CAMKMT: variants seen among roughly 807,000 people sequenced by gnomAD.
CAMKMT encodes CaM KMT.
CAMKMT carries 53 observed loss-of-function variants against 48.0 expected under a neutral mutation model. That is an observed-to-expected ratio of 1.10 (90% CI 0.89 to 1.39). CAMKMT has a LOEUF of 1.39. CAMKMT is among the 40% of genes most tolerant of loss of function. The probability of loss-of-function intolerance (pLI) is 0.00; values close to 1 mark genes in which losing one functional copy is unlikely to be tolerated. For synonymous variants in CAMKMT, 165 were observed against 152.3 expected (o/e 1.08, Z -0.61); for missense variants, 428 against 402.7 (o/e 1.06, Z -0.54).
At chr2:44,407,693 A>G (rs904550008) in intron 3 of CAMKMT, among the ~76,000 whole-genome samples, 11 of 152,236 alleles carry the variant, frequency 7.2e-5, no homozygotes, top group African/African-American at 2.7e-4. Context: ...GGGTTGAGCC[A>G]TGGCTAAAAG....
intron 3 of CAMKMT, chr2:44,631,719 A>T: frequency 2.6e-6 from 1 of 388,262 alleles, no homozygotes; most frequent in East Asian, 3.7e-5. Context: ...TGATATGGTT[A>T]TGTTTAAGTT....
At chr2:44,539,633 A>G (rs994197805) in intron 3 of CAMKMT, among the ~76,000 whole-genome samples, 3 of 151,806 alleles carry the variant, frequency 2.0e-5, no homozygotes, top group Admixed American at 6.6e-5. Flanking sequence ...TGTTGTGTCT[A>G]TTTACTCTCT....
chr2:44,623,855 G>T (rs142099592), intron 3 of CAMKMT, among the ~76,000 whole-genome samples: 99 of 152,198 alleles, frequency 6.5e-4, no homozygotes, highest in African/African-American at 2.2e-3. Context: ...CTATAGTTTA[G>T]ACTGTTGTAG....
chr2:44,396,501 C>T (rs1681856475), intron 3 of CAMKMT, among the ~76,000 whole-genome samples: 1 of 151,918 alleles, frequency 6.6e-6, no homozygotes, highest in African/African-American at 2.4e-5. Context: ...GTATGTACAT[C>T]AAATGGTTAT....
chr2:44,517,590 A>G (rs1463957656), intron 3 of CAMKMT, among the ~76,000 whole-genome samples: 1 of 152,354 alleles, frequency 6.6e-6, no homozygotes, highest in Middle Eastern at 3.4e-3. Flanking sequence ...AGGACTGTCC[A>G]GCCTTTCTGC....
At chr2:44,542,982 C>T (rs1334011766) in intron 3 of CAMKMT, among the ~76,000 whole-genome samples, 5 of 152,136 alleles carry the variant, frequency 3.3e-5, no homozygotes, top group Non-Finnish European at 7.4e-5. Context: ...AACAGTTATA[C>T]TTACTTATTA....
intron 3 of CAMKMT, among the ~76,000 whole-genome samples, chr2:44,600,905 C>T (rs1378756091): frequency 1.3e-5 from 2 of 151,992 alleles, no homozygotes; most frequent in African/African-American, 4.8e-5. Flanking sequence ...TAAGATGTGG[C>T]TAACAATTTT....
Position 44,772,134 on chromosome 2 carries a change from C to T in CAMKMT, c.*21C>T, listed in dbSNP as rs373759352. On this transcript the variant is annotated 3_prime_UTR_variant, in exon 11 of 11. Transcript: ENST00000378494. ...GATAGAAGATTAAGCTTCTCAAAGA[C>T]GAAGAAACGTATCAAGTGCATAGGG... 36 of 1,592,350 alleles carry T rather than the reference C, an allele frequency of 2.3e-5. No homozygotes were observed. The highest frequency in any genetic ancestry group is 3.3e-4 in the Middle Eastern group (2 of 6,036).
At chr2:44,376,697 C>CA (rs1303417506) in intron 2 of CAMKMT, among the ~76,000 whole-genome samples, 1 of 152,088 alleles carries the variant, frequency 6.6e-6, no homozygotes, top group Non-Finnish European at 1.5e-5. Flanking sequence ...TTTGTGAATT[C>CA]AAAATACCTA....
intron 3 of CAMKMT, among the ~76,000 whole-genome samples, chr2:44,431,496 C>T (rs1291011165): frequency 2.0e-5 from 3 of 152,004 alleles, no homozygotes. Flanking sequence ...CTTTATTTTT[C>T]CCTTTTTTAC....
intron 10 of CAMKMT, among the ~76,000 whole-genome samples, chr2:44,767,765 G>T (rs558129800): frequency 6.6e-6 from 1 of 152,128 alleles, no homozygotes; most frequent in Non-Finnish European, 1.5e-5. Context: ...GTCTTTACCT[G>T]GTAGGAAAAG....
At chr2:44,698,561 A>G (rs541816911) in intron 3 of CAMKMT, among the ~76,000 whole-genome samples, 5 of 152,332 alleles carry the variant, frequency 3.3e-5, no homozygotes, top group African/African-American at 1.2e-4. Flanking sequence ...ATACCTTACT[A>G]AAAATACTTT....
chr2:44,553,058 T>G (rs1451114896), intron 3 of CAMKMT, among the ~76,000 whole-genome samples: 1 of 152,174 alleles, frequency 6.6e-6, no homozygotes, highest in African/African-American at 2.4e-5. Flanking sequence ...TCACAGAAAT[T>G]AAGTACTAGA....
In CAMKMT at chr2:44,605,054, C is replaced by T. The variant is rs1046106518; in HGVS notation, c.377-99229C>T. ...TACAAGGCCCTCATATACTTTTTCT[C>T]ACCTTCTGTCTGTCTTCCAAAAATT... On this transcript the variant is annotated intron_variant, in intron 3 of 10. Coordinates refer to ENST00000378494, the MANE Select transcript of CAMKMT (RefSeq NM_024766.5). Among the ~76,000 whole-genome samples, 13 of 152,248 alleles carry T rather than the reference C, an allele frequency of 8.5e-5. No individual in the cohort carries two copies. The South Asian group carries it at 1.0e-3, about 12-fold the overall frequency.
At chr2:44,605,912 T>C (rs1314568616) in intron 3 of CAMKMT, among the ~76,000 whole-genome samples, 2 of 152,120 alleles carry the variant, frequency 1.3e-5, no homozygotes, top group African/African-American at 4.8e-5. Flanking sequence ...AGCTCCAAAT[T>C]CTATTGATAG....
chr2:44,457,524 G>A (rs1416015084), intron 3 of CAMKMT, among the ~76,000 whole-genome samples: 1 of 150,250 alleles, frequency 6.7e-6, no homozygotes, highest in African/African-American at 2.5e-5. Flanking sequence ...TCAGCCTCCC[G>A]AGTAGCTGGG....
At chr2:44,486,580 A>T (rs149046880) in intron 3 of CAMKMT, among the ~76,000 whole-genome samples, 1 of 152,338 alleles carries the variant, frequency 6.6e-6, no homozygotes, top group African/African-American at 2.4e-5. Context: ...CAATGTTGCA[A>T]GGTTCTTCGG....
intron 3 of CAMKMT, among the ~76,000 whole-genome samples, chr2:44,409,714 G>A (rs922455899): frequency 2.6e-5 from 4 of 152,086 alleles, no homozygotes; most frequent in African/African-American, 9.7e-5. Context: ...ATCTTTAATT[G>A]TGGAATACTC....
At chr2:44,531,007 C>T (rs1666455005) in intron 3 of CAMKMT, among the ~76,000 whole-genome samples, 1 of 151,726 alleles carries the variant, frequency 6.6e-6, no homozygotes, top group African/African-American at 2.4e-5. Flanking sequence ...TATATATATA[C>T]ATATATGTAT....
Sources: gnomAD v4.1 joint callset for allele counts (sites outside exome capture counted in the v4.1 genomes callset) on GRCh38, gnomAD v4.1.1 for gene constraint, MANE v1.5 for transcripts, NCBI Gene and HGNC (gene_info 2026-07-23, HGNC 2026-07-21) for gene names.